The following GRB10 variants were observed in gnomAD, a reference collection of about 807,000 sequenced individuals.
GRB10 encodes the protein growth factor receptor bound protein 10.
In GRB10, 20 loss-of-function variants were observed where a neutral mutation model predicts 80.9. The ratio of observed to expected loss-of-function variants is 0.25; its 90% CI spans 0.17 to 0.36. The LOEUF (loss-of-function observed/expected upper bound fraction) is 0.36, where lower values mean the gene tolerates loss of function less well. GRB10 is among the 10% of genes least tolerant of loss of function. The pLI is 1.00. For synonymous variants in GRB10, 291 were observed against 291.5 expected, an observed-to-expected ratio of 1.00 and a Z score of 0.02; for missense variants, 548 against 747.7, an observed-to-expected ratio of 0.73 and a Z score of 3.12.
intron 7 of GRB10, among the ~76,000 whole-genome samples, chr7:50,634,911 G>T (rs940951282): frequency 7.9e-5 from 12 of 152,212 alleles, no homozygotes; most frequent in African/African-American, 2.7e-4. Context: ...ACACCTAAAA[G>T]AAGAGAATGA....
intron 5 of GRB10, among the ~76,000 whole-genome samples, chr7:50,687,955 G>A (rs2062306097): frequency 6.6e-6 from 1 of 152,246 alleles, no homozygotes; most frequent in African/African-American, 2.4e-5. Flanking sequence ...TTCCTCGTCT[G>A]TTCTGCTCAA....
intron 4 of GRB10, among the ~76,000 whole-genome samples, chr7:50,718,009 G>C (rs1380183220): frequency 1.3e-5 from 2 of 152,194 alleles, no homozygotes; most frequent in Non-Finnish European, 2.9e-5. Context: ...GAGTCCAAAG[G>C]GCCCTGGGCG....
intron 7 of GRB10, among the ~76,000 whole-genome samples, chr7:50,658,808 C>A (rs2058922402): frequency 6.6e-6 from 1 of 152,188 alleles, no homozygotes; most frequent in Admixed American, 6.5e-5. Flanking sequence ...TTTAGCCAAA[C>A]AAGTGGTCTG....
At chr7:50,647,189 T>G (rs1354362963) in intron 7 of GRB10, among the ~76,000 whole-genome samples, 1 of 152,202 alleles carries the variant, frequency 6.6e-6, no homozygotes, top group Non-Finnish European at 1.5e-5. Context: ...CTTGGTTATA[T>G]AGATGTGGCA....
At chr7:50,663,528 G>A (rs898554729) in intron 7 of GRB10, among the ~76,000 whole-genome samples, 4 of 152,266 alleles carry the variant, frequency 2.6e-5, no homozygotes, top group Admixed American at 2.6e-4. Context: ...ACACAACAAA[G>A]CCACTAGCTT....
intron 5 of GRB10, among the ~76,000 whole-genome samples, chr7:50,690,450 ATTCT>A (rs1374622393): frequency 7.9e-5 from 12 of 152,242 alleles, no homozygotes. Flanking sequence ...ATTTAAAAGT[ATTCT>A]TTCATCACTG....
chr7:50,610,061 G>C (rs1249464163), intron 13 of GRB10, among the ~76,000 whole-genome samples: 1 of 152,082 alleles, frequency 6.6e-6, no homozygotes, highest in East Asian at 1.9e-4. Context: ...ATGGTAAAAG[G>C]GCCCTGTCAA....
At chr7:50,703,619 T>A (rs577317400) in intron 5 of GRB10, among the ~76,000 whole-genome samples, 1 of 152,354 alleles carries the variant, frequency 6.6e-6, no homozygotes, top group South Asian at 2.1e-4. Context: ...CACTGAAGTT[T>A]GCTAATTGAA....
At chr7:50,738,376 A>C (rs1015826248) in intron 3 of GRB10, among the ~76,000 whole-genome samples, 8 of 152,240 alleles carry the variant, frequency 5.3e-5, no homozygotes, top group African/African-American at 1.9e-4. Flanking sequence ...GGTGGAAGCA[A>C]CCTAAGTGTC....
At chr7:50,663,958 G>A (rs2059542820) in intron 7 of GRB10, among the ~76,000 whole-genome samples, 1 of 152,186 alleles carries the variant, frequency 6.6e-6, no homozygotes. Flanking sequence ...ACTGAAATGT[G>A]CAAAATGTGG....
intron 5 of GRB10, among the ~76,000 whole-genome samples, chr7:50,691,489 C>A (rs1038635484): frequency 6.6e-6 from 1 of 152,136 alleles, no homozygotes; most frequent in Admixed American, 6.5e-5. Context: ...GGTTAAAATA[C>A]GAAGCATAAG....
upstream of GRB10, among the ~76,000 whole-genome samples, chr7:50,784,926 G>C (rs936654072): frequency 6.6e-6 from 1 of 152,206 alleles, no homozygotes; most frequent in Non-Finnish European, 1.5e-5. Flanking sequence ...AGGAATAGCT[G>C]GGCCCCATTT....
At chr7:50,709,039 G>C (rs1026561612) in intron 4 of GRB10, among the ~76,000 whole-genome samples, 3 of 152,284 alleles carry the variant, frequency 2.0e-5, no homozygotes, top group African/African-American at 7.2e-5. Context: ...AAGGTGAAAG[G>C]ATGGGAGAGG....
At chr7:50,703,001 C>A (rs1444727316) in intron 5 of GRB10, among the ~76,000 whole-genome samples, 1 of 152,116 alleles carries the variant, frequency 6.6e-6, no homozygotes, top group African/African-American at 2.4e-5. Flanking sequence ...AAATTGGTAC[C>A]CTTTCCCCGC....
chr7:50,769,184 C>T (rs2076707615), intron 2 of GRB10, among the ~76,000 whole-genome samples: 1 of 152,228 alleles, frequency 6.6e-6, no homozygotes, highest in South Asian at 2.1e-4. Context: ...CATTTCATTA[C>T]ACATCCTCCT....
intron 4 of GRB10, among the ~76,000 whole-genome samples, chr7:50,715,543 T>C (rs868286284): frequency 6.6e-6 from 1 of 152,170 alleles, no homozygotes; most frequent in Non-Finnish European, 1.5e-5. Flanking sequence ...TATTGTGGCA[T>C]GAGCCAAATG....
chr7:50,633,716 A>AACAACAACT (rs2054434359), intron 7 of GRB10, among the ~76,000 whole-genome samples: 1 of 151,820 alleles, frequency 6.6e-6, no homozygotes, highest in African/African-American at 2.4e-5. Flanking sequence ...ACAAAACAAC[A>AACAACAACT]ACAACAACTT....
chr7:50,610,306 A>G (rs948555715), intron 13 of GRB10, among the ~76,000 whole-genome samples: 1 of 152,256 alleles, frequency 6.6e-6, no homozygotes, highest in Non-Finnish European at 1.5e-5. Context: ...TTTCGATTGC[A>G]TTACAATCCT....
intron 3 of GRB10, among the ~76,000 whole-genome samples, chr7:50,742,657 C>G (rs1031428080): frequency 6.6e-6 from 1 of 151,626 alleles, no homozygotes; most frequent in African/African-American, 2.4e-5. Context: ...CATATTACAT[C>G]ACTAGGGGGA....
Sources: gnomAD v4.1 joint callset for allele counts (sites outside exome capture counted in the v4.1 genomes callset) on GRCh38, gnomAD v4.1.1 for gene constraint, MANE v1.5 for transcripts, NCBI Gene and HGNC (gene_info 2026-07-23, HGNC 2026-07-21) for gene names.